PAQR4: variants seen among roughly 807,000 people sequenced by gnomAD.
PAQR4 encodes the protein progestin and adipoQ receptor family member 4, also known as progestin and adipoQ receptor family member IV.
In PAQR4, 26 loss-of-function variants were observed where a neutral mutation model predicts 20.9. That is an observed-to-expected ratio of 1.24 (90% confidence interval 0.91 to 1.73). The LOEUF (loss-of-function observed/expected upper bound fraction) is 1.73. Ranked by LOEUF, PAQR4 falls within the 40% of genes most tolerant of loss-of-function variation. The probability of loss-of-function intolerance (pLI) is 0.00; values close to 1 mark genes in which losing one functional copy is unlikely to be tolerated. For missense variants in PAQR4, 400 were observed against 380.1 expected, an observed-to-expected ratio of 1.05 and a Z score of -0.44; for synonymous variants, 193 against 171.6, an observed-to-expected ratio of 1.12 and a Z score of -0.97.
At position 2,969,492 on chromosome 16, in the gene PAQR4, G is replaced by A. The variant is rs1416998222; in HGVS notation, c.-183G>A. ...GCGCGGGGGCGACGGACTCGCGCGT[G>A]CGCAGCGCCGGAGGGGCGCGGGCTG... On this transcript the variant is annotated 5_prime_UTR_variant, in exon 1 of 3. Coordinates refer to ENST00000318782, the MANE Select transcript of PAQR4 (RefSeq NM_152341.5). The A allele has an allele frequency of 2.4e-5, 11 of 457,122 alleles. 1 individual carries two copies. Among genetic ancestry groups the A allele is most frequent in the East Asian group, 4.7e-5 (1 of 21,244 alleles). The allele number at this position is 457,122 out of a possible 1,614,324, so 28.3% of individuals were successfully genotyped here. A position where few individuals can be genotyped will look rare whatever the true frequency, so the allele number is the denominator to read the frequency against.
At position 2,972,031 on chromosome 16, in the gene PAQR4, C is replaced by G; in HGVS notation, c.*83C>G. On this transcript the variant is annotated 3_prime_UTR_variant, in exon 3 of 3. Coordinates refer to ENST00000318782, the MANE Select transcript of PAQR4 (RefSeq NM_152341.5). ...TCCCAACTCGTCTGCAAGGGGCTGGCTCCTTGGATGCTTCCAGCTCATGAG... is the reference window on the plus strand; with the variant it reads ...TCCCAACTCGTCTGCAAGGGGCTGGGTCCTTGGATGCTTCCAGCTCATGAG... 1 of 1,335,076 alleles carries G rather than the reference C, an allele frequency of 7.5e-7. No individual in the cohort carries two copies. Among genetic ancestry groups the G allele is most frequent in the Non-Finnish European group, 1.0e-6 (1 of 997,130 alleles). 82.7% of individuals were successfully genotyped at this position (1,335,076 alleles called of 1,614,324 possible). A position where few individuals can be genotyped will look rare whatever the true frequency, so the allele number is the denominator to read the frequency against.
intron 1 of PAQR4, among the ~76,000 whole-genome samples, chr16:2,970,588 G>C (rs1194855884): frequency 1.3e-5 from 2 of 152,188 alleles, no homozygotes; most frequent in Non-Finnish European, 2.9e-5. Flanking sequence ...CAAGCCCCTC[G>C]AAGCCCCCTT....
At position 2,972,106 on chromosome 16, in the gene PAQR4, C is replaced by T. The variant is rs574652566; in HGVS notation, c.*158C>T. On this transcript the variant is annotated 3_prime_UTR_variant, in exon 3 of 3. Coordinates refer to ENST00000318782, the MANE Select transcript of PAQR4 (RefSeq NM_152341.5). ...CCCGTTCTTCCCTGTGGACTGACCT[C>T]TTCCACCCACGCCGTGGCGCTCCAA... 1.4e-6 allele frequency: 1 copy of T among 714,560 alleles called. No individual in the cohort carries two copies. The highest frequency in any genetic ancestry group is 2.8e-5 in the East Asian group (1 of 35,452). 44.3% of individuals were successfully genotyped at this position (714,560 alleles called of 1,614,324 possible).
At chr16:2,971,457 G>A in intron 2 of PAQR4, 58 bp from the exon 3 acceptor site, 1 of 1,575,520 alleles carries the variant, frequency 6.3e-7, no homozygotes, top group South Asian at 1.1e-5. Context: ...CATGGGTAGG[G>A]AAGGGCGGGT....
At position 2,971,186 on chromosome 16, in the gene PAQR4, G is replaced by A; in HGVS notation, c.196G>A (p.Val66Met). The A allele has an allele frequency of 1.2e-6, 2 of 1,613,398 alleles. No individual in the cohort carries two copies. The highest frequency in any genetic ancestry group is 2.2e-5 in the South Asian group (2 of 91,086). The change falls in exon 2 of 3, where the codon GTG becomes ATG. Residue 66 changes from valine (V) to methionine (M), a missense_variant. By Grantham distance (21) the Val-to-Met change is conservative (BLOSUM62 1). Transcript: ENST00000318782. ...GGCCCTGCTGGGCTTCCTGGTGCTG[G>A]TGCCAATGACCATGCCCTGGGGTCA... The part of the protein sequence containing the change: ...GLALLGFLVL[V>M]PMTMPWGQLG...
Position 2,969,445 on chromosome 16 carries a change from T to C in PAQR4, c.-230T>C, listed in dbSNP as rs149483036. On this transcript the variant is annotated 5_prime_UTR_variant, in exon 1 of 3. Transcript: ENST00000318782. ...GACCGCAGTGCGCTCAGGCGTCCGG[T>C]GCGTCCCCAGCCTCCGCCCCGGCGC... 7,936 of 255,658 alleles carry C rather than the reference T, an allele frequency of 0.031. 629 individuals are homozygous for C. Among genetic ancestry groups the C allele is most frequent in the African/African-American group, 0.17 (7,319 of 43,740 alleles). The allele number at this position is 255,658 out of a possible 1,614,324, so 15.8% of individuals were successfully genotyped here.
Position 2,972,600 on chromosome 16 carries a change from T to G in PAQR4, c.*652T>G. 1 of 1,530,584 alleles carries G rather than the reference T, an allele frequency of 6.5e-7. No homozygotes were observed. The highest frequency in any genetic ancestry group is 8.7e-7 in the Non-Finnish European group (1 of 1,143,564). 94.8% of individuals were successfully genotyped at this position (1,530,584 alleles called of 1,614,324 possible). A position where few individuals can be genotyped will look rare whatever the true frequency, so the allele number is the denominator to read the frequency against. On this transcript the variant is annotated 3_prime_UTR_variant, in exon 3 of 3. Transcript: ENST00000318782. ...CCTGGGCCGTGCCTGCCCTCCACCT[T>G]GAGTGCCATACTCCCAACAGCTCCA... is the stretch of plus-strand genomic sequence containing the variant.
rs550454526 is a variant in PAQR4 at position 2,970,666 on chromosome 16, G to A, written c.167-491G>A. On this transcript the variant is annotated intron_variant, in intron 1 of 2. Transcript: ENST00000318782. ...TTTATAGAAGATAAAAAGGCCCAGT[G>A]CCTCCATTTGTCTGGACACTTATGG... 5.3e-5 allele frequency among the ~76,000 whole-genome samples: 8 copies of A among 152,352 alleles called. No homozygotes were observed. The South Asian group carries it at 1.7e-3, about 32-fold the overall frequency.
rs1038186749 is a variant in PAQR4 at position 2,972,410 on chromosome 16, C to T, written c.*462C>T. 35 of 567,704 alleles carry T rather than the reference C, an allele frequency of 6.2e-5. No individual in the cohort carries two copies. Among genetic ancestry groups the T allele is most frequent in the Middle Eastern group, 4.7e-4 (1 of 2,130 alleles). The allele number at this position is 567,704 out of a possible 1,614,324, so 35.2% of individuals were successfully genotyped here. ...CCCTCCCAGCAGCCACAAGCTTGCC[C>T]GCCCTGGCTCCCTCTGCCCAGAGAC... On this transcript the variant is annotated 3_prime_UTR_variant, in exon 3 of 3. Transcript: ENST00000318782.
chr16:2,969,359 C>G lies in PAQR4; in HGVS notation c.-316C>G, dbSNP rs1048868878. On this transcript the variant is annotated 5_prime_UTR_variant, in exon 1 of 3. Coordinates refer to ENST00000318782, the MANE Select transcript of PAQR4 (RefSeq NM_152341.5). ...GTCCTCCTGGCTGCAGAGAGACTAC[C>G]GGCCACCGCCGCCGCCGCCGCCGCG... is the stretch of plus-strand genomic sequence containing the variant. 6 of 160,920 alleles carry G rather than the reference C, an allele frequency of 3.7e-5. No individual in the cohort carries two copies. Among genetic ancestry groups the G allele is most frequent in the Admixed American group, 1.3e-4 (2 of 15,494 alleles). 10.0% of individuals were successfully genotyped at this position (160,920 alleles called of 1,614,324 possible).
chr16:2,970,783 T>A (rs572355579), intron 1 of PAQR4, among the ~76,000 whole-genome samples: 129 of 152,364 alleles, frequency 8.5e-4, no homozygotes, highest in Admixed American at 3.9e-3. Flanking sequence ...AACTTGAGGT[T>A]TCGCTGCCTT....
chr16:2,971,064 A>T, intron 1 of PAQR4, 93 bp from the exon 2 acceptor site: 1 of 1,273,590 alleles, frequency 7.9e-7, no homozygotes, highest in Non-Finnish European at 1.1e-6. Flanking sequence ...CATTACCTGG[A>T]CCTGTCTTGC....
Position 2,972,324 on chromosome 16 carries a change from TTCC to T in PAQR4, c.*380_*382del, listed in dbSNP as rs1229403029. On this transcript the variant is annotated 3_prime_UTR_variant, in exon 3 of 3. Transcript: ENST00000318782. ...CCCAGAGCCTCCTCACCCTATCCTGTTCCTCCCACCAGGCCTGTGGCCAGTCTT... is the reference window on the plus strand; with the variant it reads ...CCCAGAGCCTCCTCACCCTATCCTGTTCCCACCAGGCCTGTGGCCAGTCTT... 2 of 499,566 alleles carry T rather than the reference TTCC, an allele frequency of 4.0e-6. No homozygotes were observed. The highest frequency in any genetic ancestry group is 3.5e-5 in the Admixed American group (1 of 28,504). 30.9% of individuals were successfully genotyped at this position (499,566 alleles called of 1,614,324 possible).
chr16:2,971,780 G>C lies in PAQR4; in HGVS notation c.654G>C (p.Leu218=). Residue 218 remains leucine, a synonymous_variant, in exon 3 of 3, where the codon CTG becomes CTC. Transcript: ENST00000318782. The stretch of plus-strand genomic sequence containing the variant: ...ACGCACTGGCGCTGCTTGGGGGACT[G>C]GTAAATGTAGCCCGTCTGCCCGAGC... ...RMDALALLGG[L]VNVARLPERW... The C allele has an allele frequency of 1.2e-6, 2 of 1,612,962 alleles. No homozygotes were observed. Among genetic ancestry groups the C allele is most frequent in the Non-Finnish European group, 1.7e-6 (2 of 1,179,906 alleles).
Position 2,971,712 on chromosome 16 carries a change from G to C in PAQR4, c.586G>C (p.Gly196Arg), listed in dbSNP as rs1377861951. 6.2e-7 allele frequency: 1 copy of C among 1,612,522 alleles called. No individual in the cohort carries two copies. Among genetic ancestry groups the C allele is most frequent in the Admixed American group, 1.7e-5 (1 of 60,008 alleles). The change falls in exon 3 of 3, where the codon GGT becomes CGT. Residue 196 changes from glycine (G) to arginine (R), a missense_variant. Coordinates refer to ENST00000318782, the MANE Select transcript of PAQR4 (RefSeq NM_152341.5). Reference protein sequence around the residue: ...LVFGARGVGLGSGAPGSLPCY... With the variant: ...LVFGARGVGLRSGAPGSLPCY... ...ATTTGGGGCCCGGGGAGTGGGTCTG[G>C]GTTCAGGGGCTCCAGGCTCCCTGCC...
At chr16:2,971,043 C>A in intron 1 of PAQR4, 114 bp from the exon 2 acceptor site, 1 of 1,094,716 alleles carries the variant, frequency 9.1e-7, no homozygotes. Flanking sequence ...AGGCCGCCAA[C>A]TGGATGACAG....
At chr16:2,971,059 C>T in intron 1 of PAQR4, 98 bp from the exon 2 acceptor site, 1 of 1,246,036 alleles carries the variant, frequency 8.0e-7, no homozygotes, top group Non-Finnish European at 1.1e-6. Flanking sequence ...GACAGCATTA[C>T]CTGGACCTGT....
chr16:2,973,373 C>G lies in PAQR4; in HGVS notation c.*1425C>G, dbSNP rs1288625763. 6.5e-7 allele frequency: 1 copy of G among 1,540,374 alleles called. No homozygotes were observed. The highest frequency in any genetic ancestry group is 1.4e-5 in the African/African-American group (1 of 73,044). On this transcript the variant is annotated 3_prime_UTR_variant, in exon 3 of 3. Transcript: ENST00000318782. ...AACTTGGTGCACTCTGAAAGCAGCACTTGGACAGCCTTCAAAGTCCTTCCA... is the reference window on the plus strand; with the variant it reads ...AACTTGGTGCACTCTGAAAGCAGCAGTTGGACAGCCTTCAAAGTCCTTCCA...
In PAQR4 at chr16:2,973,335, CAG is replaced by C. The variant is rs769514272; in HGVS notation, c.*1388_*1389del. Reference sequence around the variant, plus strand: ...TGACAAACAGGCAGGGAGCCACAGTCAGGGACAATAAAAACTTGGTGCACTCT... The same window carrying C: ...TGACAAACAGGCAGGGAGCCACAGTCGGACAATAAAAACTTGGTGCACTCT... On this transcript the variant is annotated 3_prime_UTR_variant, in exon 3 of 3. Coordinates refer to ENST00000318782, the MANE Select transcript of PAQR4 (RefSeq NM_152341.5). 1.6e-5 allele frequency: 24 copies of C among 1,542,918 alleles called. No individual in the cohort carries two copies. Among genetic ancestry groups the C allele is most frequent in the Non-Finnish European group, 2.0e-5 (23 of 1,144,966 alleles).
Sources: gnomAD v4.1 joint callset for allele counts (sites outside exome capture counted in the v4.1 genomes callset) on GRCh38, gnomAD v4.1.1 for gene constraint, MANE v1.5 for transcripts, NCBI Gene and HGNC (gene_info 2026-07-23, HGNC 2026-07-21) for gene names.